Variants in ADAM32 observed in about 807,000 individuals in gnomAD.
ADAM32 encodes disintegrin and metalloproteinase domain-containing protein 32.
A neutral mutation model predicts 114.9 loss-of-function variants in ADAM32; 89 were observed. That is an observed-to-expected ratio of 0.77 (90% CI 0.65 to 0.92). The LOEUF (loss-of-function observed/expected upper bound fraction) is 0.92, where lower values mean the gene tolerates loss of function less well. ADAM32 is among the 40% of genes least tolerant of loss of function. ADAM32 has a pLI of 0.00. For missense variants in ADAM32, 870 were observed against 932.8 expected (o/e 0.93, Z 0.88); for synonymous variants, 285 against 307.5 (o/e 0.93, Z 0.77).
In ADAM32 at chr8:39,221,644, C is replaced by T. The variant is rs562794804; in HGVS notation, c.1268C>T (p.Thr423Ile). ...CCTGCAAGCTGTTGTGATTTTCGAA[C>T]TTGTGTACTGAAAGACGGAGCAAAA... ...CGPASCCDFR[T>I]CVLKDGAKCY... The change falls in exon 13 of 25, where the codon ACT becomes ATT. Residue 423 changes from threonine (T) to isoleucine (I), a missense_variant. Physicochemically the swap from Thr to Ile is moderately conservative, Grantham distance 89. Coordinates refer to ENST00000379907, the MANE Select transcript of ADAM32 (RefSeq NM_145004.7). The T allele has an allele frequency of 1.9e-6, 3 of 1,612,232 alleles. No individual in the cohort carries two copies. The East Asian group carries it at 6.7e-5, about 36-fold the overall frequency.
chr8:39,142,931 T>C (rs893855604), intron 3 of ADAM32, among the ~76,000 whole-genome samples: 5 of 152,210 alleles, frequency 3.3e-5, no homozygotes, highest in African/African-American at 1.2e-4. Context: ...TCTAATCTTG[T>C]CTTCTCACTT....
At chr8:39,179,091 C>T (rs1805693809) in intron 10 of ADAM32, among the ~76,000 whole-genome samples, 1 of 152,160 alleles carries the variant, frequency 6.6e-6, no homozygotes, top group South Asian at 2.1e-4. Flanking sequence ...CTCATCGAGA[C>T]CACCCAGACT....
intron 12 of ADAM32, among the ~76,000 whole-genome samples, chr8:39,215,351 A>G (rs1808487731): frequency 6.6e-6 from 1 of 151,950 alleles, no homozygotes; most frequent in South Asian, 2.1e-4. Flanking sequence ...AATTTCTTGC[A>G]TCAATGTTTT....
intron 10 of ADAM32, among the ~76,000 whole-genome samples, chr8:39,177,252 G>A (rs1277060618): frequency 6.6e-6 from 1 of 152,076 alleles, no homozygotes; most frequent in African/African-American, 2.4e-5. Context: ...GTAGAGACAG[G>A]ATTTCACTAT....
At chr8:39,250,061 T>A (rs1311887375) in intron 17 of ADAM32, among the ~76,000 whole-genome samples, 1 of 152,148 alleles carries the variant, frequency 6.6e-6, no homozygotes, top group East Asian at 1.9e-4. Context: ...TATAAATTTT[T>A]GGCATTTGTC....
intron 14 of ADAM32, among the ~76,000 whole-genome samples, chr8:39,230,946 A>G (rs1809696844): frequency 1.3e-5 from 2 of 152,132 alleles, no homozygotes; most frequent in African/African-American, 4.8e-5. Context: ...TGGAGAAGGT[A>G]ACTGTGGTAG....
intron 19 of ADAM32, among the ~76,000 whole-genome samples, chr8:39,266,588 T>TTTCGACCTTCTGTATGTCGATGAGC (rs1487534499): frequency 6.6e-6 from 1 of 152,184 alleles, no homozygotes; most frequent in Non-Finnish European, 1.5e-5. Context: ...TTGGCTTGAG[T>TTTCGACCTTCTGTATGTCGATGAGC]TTCGACCTTC....
intron 16 of ADAM32, among the ~76,000 whole-genome samples, chr8:39,239,687 T>A (rs1810428473): frequency 6.6e-6 from 1 of 152,196 alleles, no homozygotes; most frequent in African/African-American, 2.4e-5. Flanking sequence ...AAGACTCACC[T>A]AACACATAAG....
chr8:39,256,958 G>A (rs914196785), intron 18 of ADAM32, among the ~76,000 whole-genome samples: 1 of 151,948 alleles, frequency 6.6e-6, no homozygotes, highest in African/African-American at 2.4e-5. Flanking sequence ...TGTAGCTGCT[G>A]TGAGACTTGA....
chr8:39,109,071 C>T (rs1840045683), intron 1 of ADAM32, among the ~76,000 whole-genome samples: 1 of 152,156 alleles, frequency 6.6e-6, no homozygotes, highest in African/African-American at 2.4e-5. Flanking sequence ...ACATTCAGTT[C>T]ATAACACATA....
At position 39,194,840 on chromosome 8, in the gene ADAM32, C is replaced by T. The variant is rs547592797; in HGVS notation, c.1052+7795C>T. On this transcript the variant is annotated intron_variant, in intron 11 of 24. Coordinates refer to ENST00000379907, the MANE Select transcript of ADAM32 (RefSeq NM_145004.7). ...AAGTTAAGCCTAGGCAGATGGGTGACGCTGGTCATGCTCTACTACTGACAC... is the reference window on the plus strand; with the variant it reads ...AAGTTAAGCCTAGGCAGATGGGTGATGCTGGTCATGCTCTACTACTGACAC... 9.2e-5 allele frequency among the ~76,000 whole-genome samples: 14 copies of T among 152,274 alleles called. No individual in the cohort carries two copies. In the South Asian group the frequency reaches 2.3e-3, roughly 25 times the overall value.
intron 10 of ADAM32, among the ~76,000 whole-genome samples, chr8:39,181,770 G>A (rs1395924353): frequency 6.6e-6 from 1 of 152,182 alleles, no homozygotes; most frequent in African/African-American, 2.4e-5. Context: ...AGATGTGCTG[G>A]CTGGTTCATG....
intron 11 of ADAM32, among the ~76,000 whole-genome samples, chr8:39,207,518 A>T (rs975077588): frequency 6.6e-6 from 1 of 152,208 alleles, no homozygotes; most frequent in East Asian, 1.9e-4. Flanking sequence ...GGTAATTCCC[A>T]TATCCATCAC....
intron 4 of ADAM32, among the ~76,000 whole-genome samples, chr8:39,147,917 G>A (rs1803597995): frequency 6.6e-6 from 1 of 151,990 alleles, no homozygotes; most frequent in South Asian, 2.1e-4. Flanking sequence ...GGGATTACAG[G>A]CATGCACCAC....
At chr8:39,120,877 T>C (rs1176721558) in intron 2 of ADAM32, among the ~76,000 whole-genome samples, 1 of 151,912 alleles carries the variant, frequency 6.6e-6, no homozygotes, top group Non-Finnish European at 1.5e-5. Context: ...CTTGGCTGAA[T>C]TGTGTTCTAG....
intron 10 of ADAM32, among the ~76,000 whole-genome samples, chr8:39,183,105 G>A (rs901850121): frequency 4.6e-5 from 7 of 152,296 alleles, no homozygotes; most frequent in Admixed American, 4.6e-4. Context: ...GTCTTCCCTG[G>A]CTAGGCAGTA....
chr8:39,221,543 T>C, intron 12 of ADAM32, 67 bp from the exon 13 acceptor site: 1 of 1,240,894 alleles, frequency 8.1e-7, no homozygotes, highest in Non-Finnish European at 1.2e-6. Flanking sequence ...CATCAAAATA[T>C]AACTCCTAGT....
intron 11 of ADAM32, among the ~76,000 whole-genome samples, chr8:39,187,716 AAT>A (rs375183031): frequency 4.7e-5 from 7 of 150,324 alleles, no homozygotes; most frequent in African/African-American, 7.3e-5. Context: ...TGGAGACCAA[AAT>A]ATATATATAT....
rs567675296 is a variant in ADAM32, at chr8:39,164,812, G to A, written c.643G>A (p.Glu215Lys). The change falls in exon 8 of 25, where the codon GAA (glutamate) becomes AAA (lysine). Residue 215 changes from glutamate (E) to lysine (K), a missense_variant. Physicochemically the swap from Glu to Lys is moderately conservative, Grantham distance 56. Coordinates refer to ENST00000379907, the MANE Select transcript of ADAM32 (RefSeq NM_145004.7). ...CATGATAGTAACAAATAAAGTCATC[G>A]AAATTGTTGGCCTTGCAAATTCAGT... ...DSMIVTNKVIEIVGLANSMFT... is the reference protein window; with the variant it reads ...DSMIVTNKVIKIVGLANSMFT... 7 of 1,607,774 alleles carry A rather than the reference G, an allele frequency of 4.4e-6. No individual in the cohort carries two copies. Among genetic ancestry groups the A allele is most frequent in the Admixed American group, 1.7e-5 (1 of 59,310 alleles).
Sources: allele counts gnomAD v4.1 joint callset (sites outside exome capture counted in the v4.1 genomes callset), GRCh38; gene constraint gnomAD v4.1.1; transcripts MANE v1.5; gene names NCBI Gene and HGNC (gene_info 2026-07-23, HGNC 2026-07-21).